Variants in PDLIM3 observed in about 807,000 individuals in gnomAD.
PDLIM3 encodes PDZ and LIM domain protein 3.
Under a neutral mutation model 37.3 loss-of-function variants are expected in PDLIM3, and 36 were observed. That is an observed-to-expected ratio of 0.97 (90% CI 0.74 to 1.28). PDLIM3 has a LOEUF of 1.28. PDLIM3 is among the 50% of genes most tolerant of loss of function. PDLIM3 has a pLI of 0.00. For synonymous variants in PDLIM3, 174 were observed against 182.4 expected (o/e 0.95, Z 0.37); for missense variants, 454 against 485.0 (o/e 0.94, Z 0.60).
At position 185,514,234 on chromosome 4, in the gene PDLIM3, A is replaced by G. The variant is rs1215493978; in HGVS notation, c.398+36T>C. 6.2e-7 allele frequency: 1 copy of G among 1,614,122 alleles called. No homozygotes were observed. The highest frequency in any genetic ancestry group is 1.3e-5 in the African/African-American group (1 of 74,954). On this transcript the variant is annotated intron_variant, in intron 4 of 7. Coordinates refer to ENST00000284767, the MANE Select transcript of PDLIM3 (RefSeq NM_014476.6). The surrounding 1 kb of genome is among the most constrained non-coding windows in gnomAD (Gnocchi z 4.0). ...ATTAGTAAGAACTGATTTAAGAAGC[A>G]TGCACTGCAAACTCCACAGTCTCAG... is the stretch of plus-strand genomic sequence containing the variant.
chr4:185,508,353 A>T lies in PDLIM3; in HGVS notation c.608T>A (p.Met203Lys). The change falls in exon 5 of 8, where the codon ATG (methionine) becomes AAG (lysine). Residue 203 changes from methionine (M) to lysine (K), a missense_variant. Physicochemically the swap from Met to Lys is moderately conservative, Grantham distance 95 (BLOSUM62 -1). Coordinates refer to ENST00000284767, the MANE Select transcript of PDLIM3 (RefSeq NM_014476.6). ...TGAAACCTGACCCTGGAGTGTTTCCATAATATTGTCATCTGAGTACAACTG... is the reference window on the plus strand; with the variant it reads ...TGAAACCTGACCCTGGAGTGTTTCCTTAATATTGTCATCTGAGTACAACTG... ...PMQLYSDDNIMETLQGQVSTA... is the reference protein window; with the variant it reads ...PMQLYSDDNIKETLQGQVSTA... 1 of 1,614,154 alleles carries T rather than the reference A, an allele frequency of 6.2e-7. No individual in the cohort carries two copies. Among genetic ancestry groups the T allele is most frequent in the Non-Finnish European group, 8.5e-7 (1 of 1,180,002 alleles).
Position 185,502,270 on chromosome 4 carries a change from C to G in PDLIM3, c.*24G>C, listed in dbSNP as rs758218049. The G allele has an allele frequency of 6.2e-7, 1 of 1,611,852 alleles. No homozygotes were observed. Among genetic ancestry groups the G allele is most frequent in the African/African-American group, 1.3e-5 (1 of 74,656 alleles). ...GTAAGTGCGCGTGGGTGGGTGCGTG[C>G]GTGCGTGCCACGCCTGCAGAGACTT... On this transcript the variant is annotated 3_prime_UTR_variant, in exon 8 of 8. Transcript: ENST00000284767.
In PDLIM3 at chr4:185,522,044, A is replaced by AC. The variant is rs199565778; in HGVS notation, c.330+1317_330+1318insG. 9.3e-3 allele frequency among the ~76,000 whole-genome samples: 623 copies of AC among 66,844 alleles called. 125 individuals carry two copies. The highest frequency in any genetic ancestry group is 0.016 in the African/African-American group (583 of 36,756). 43.9% of individuals were successfully genotyped at this position (66,844 alleles called of 152,430 possible). ...CAAAACTCTACGACAACAATCTAAT[A>AC]AACTCATTTCCTCTAAAGATTACAT... is the stretch of plus-strand genomic sequence containing the variant. On this transcript the variant is annotated intron_variant, in intron 3 of 7. Transcript: ENST00000284767.
At position 185,504,941 on chromosome 4, in the gene PDLIM3, C is replaced by T. The variant is rs1360815684; in HGVS notation, c.794-355G>A. 6.6e-6 allele frequency among the ~76,000 whole-genome samples: 1 copy of T among 152,200 alleles called. No individual in the cohort carries two copies. Among genetic ancestry groups the T allele is most frequent in the Non-Finnish European group, 1.5e-5 (1 of 68,026 alleles). On this transcript the variant is annotated intron_variant, in intron 6 of 7. Transcript: ENST00000284767. The surrounding 1 kb of genome is among the most constrained non-coding windows in gnomAD (Gnocchi z 4.7). ...GTACATCCAAAATGTTGTGCAAGCA[C>T]TGCCAATATCCACCTCCAGAACTAT...
intron 5 of PDLIM3, among the ~76,000 whole-genome samples, chr4:185,507,900 C>A (rs1389268708): frequency 1.3e-5 from 2 of 151,896 alleles, no homozygotes; most frequent in Non-Finnish European, 2.9e-5. Context: ...AATTTTTGAT[C>A]CCCAAAGGAC....
Position 185,502,272 on chromosome 4 carries a change from T to G in PDLIM3, c.*22A>C. On this transcript the variant is annotated 3_prime_UTR_variant, in exon 8 of 8. Coordinates refer to ENST00000284767, the MANE Select transcript of PDLIM3 (RefSeq NM_014476.6). Reference sequence around the variant, plus strand: ...AAGTGCGCGTGGGTGGGTGCGTGCGTGCGTGCCACGCCTGCAGAGACTTAA... The same window carrying G: ...AAGTGCGCGTGGGTGGGTGCGTGCGGGCGTGCCACGCCTGCAGAGACTTAA... 6.2e-7 allele frequency: 1 copy of G among 1,612,500 alleles called. No homozygotes were observed. Among genetic ancestry groups the G allele is most frequent in the Non-Finnish European group, 8.5e-7 (1 of 1,178,694 alleles).
In PDLIM3 at chr4:185,514,011, T is replaced by C; in HGVS notation, c.398+259A>G. The C allele has an allele frequency of 7.4e-7, 1 of 1,343,424 alleles. No individual in the cohort carries two copies. Among genetic ancestry groups the C allele is most frequent in the Non-Finnish European group, 9.6e-7 (1 of 1,041,928 alleles). 83.2% of individuals were successfully genotyped at this position (1,343,424 alleles called of 1,614,324 possible). A position where few individuals can be genotyped will look rare whatever the true frequency, so the allele number is the denominator to read the frequency against. On this transcript the variant is annotated intron_variant, in intron 4 of 7. Coordinates refer to ENST00000284767, the MANE Select transcript of PDLIM3 (RefSeq NM_014476.6). The surrounding 1 kb of genome is among the most constrained non-coding windows in gnomAD (Gnocchi z 4.0). ...TGTTCTGGATGGGATCCCCAGAGCCTCAGGGGTGTTCGCTATAAATACACG... is the reference window on the plus strand; with the variant it reads ...TGTTCTGGATGGGATCCCCAGAGCCCCAGGGGTGTTCGCTATAAATACACG...
At chr4:185,513,987 G>GGGACCACACA in intron 4 of PDLIM3, 22 of 1,294,100 alleles carry the variant, frequency 1.7e-5, no homozygotes, top group Non-Finnish European at 2.2e-5. Flanking sequence ...AGGTCACAGT[G>GGGACCACACA]TTCTGGATGG....
Position 185,524,934 on chromosome 4 carries a change from T to C in PDLIM3, c.245+86A>G. On this transcript the variant is annotated intron_variant, in intron 2 of 7. Transcript: ENST00000284767. The stretch of plus-strand genomic sequence containing the variant: ...AAAATACTAGGTCTGTGGCCCTCCT[T>C]GCTGGGAGGATGAAGTTATTTATAG... The C allele has an allele frequency of 2.9e-6, 4 of 1,361,946 alleles. No homozygotes were observed. In the South Asian group the frequency reaches 4.7e-5, roughly 16 times the overall value. 84.4% of individuals were successfully genotyped at this position (1,361,946 alleles called of 1,614,324 possible).
At chr4:185,511,534 T>C (rs938472083) in intron 4 of PDLIM3, among the ~76,000 whole-genome samples, 3 of 152,084 alleles carry the variant, frequency 2.0e-5, no homozygotes, top group Non-Finnish European at 2.9e-5. Context: ...CTAATTTTTC[T>C]ATTTTTAGTA....
chr4:185,519,181 C>T (rs748184147), intron 3 of PDLIM3, among the ~76,000 whole-genome samples: 1 of 152,180 alleles, frequency 6.6e-6, no homozygotes, highest in Non-Finnish European at 1.5e-5. Flanking sequence ...TATTCAGGTG[C>T]TGGGAGTTGA....
Position 185,508,406 on chromosome 4 carries a change from A to C in PDLIM3, c.555T>G (p.Ile185Met), listed in dbSNP as rs761837498. Residue 185 changes from isoleucine to methionine, a missense_variant, in exon 5 of 8, where the codon ATT becomes ATG. Ile to Met is a conservative substitution (Grantham distance 10). Coordinates refer to ENST00000284767, the MANE Select transcript of PDLIM3 (RefSeq NM_014476.6). ...TAGGTGTATTAAACTGAGCATGTACAATCTTCACACCAGGAAGTTCCATTT... is the reference window on the plus strand; with the variant it reads ...TAGGTGTATTAAACTGAGCATGTACCATCTTCACACCAGGAAGTTCCATTT... ...PLEMELPGVK[I>M]VHAQFNTPMQ... 4.3e-6 allele frequency: 7 copies of C among 1,614,206 alleles called. No individual in the cohort carries two copies. The highest frequency in any genetic ancestry group is 5.9e-6 in the Non-Finnish European group (7 of 1,180,024).
At chr4:185,531,879 A>G (rs1229206047) in intron 1 of PDLIM3, among the ~76,000 whole-genome samples, 5 of 149,438 alleles carry the variant, frequency 3.3e-5, no homozygotes, top group African/African-American at 1.2e-4. Flanking sequence ...GCCTGAGGTC[A>G]GGAGTTTGAG....
chr4:185,513,774 T>C, intron 4 of PDLIM3: 1 of 1,031,342 alleles, frequency 9.7e-7, no homozygotes, highest in Non-Finnish European at 1.2e-6. Context: ...TAGGTTGGAG[T>C]TCAATTTCTA....
At chr4:185,517,611 A>C (rs2095716905) in intron 3 of PDLIM3, 3 of 151,888 alleles carry the variant, frequency 2.0e-5, no homozygotes. Context: ...AATCAGCTCC[A>C]AGCAATTTCT....
chr4:185,527,806 T>C (rs891632894), intron 1 of PDLIM3, among the ~76,000 whole-genome samples: 3 of 152,100 alleles, frequency 2.0e-5, no homozygotes, highest in Admixed American at 2.0e-4. Flanking sequence ...TCCCAGTGCT[T>C]TGGGAGGCTG....
intron 1 of PDLIM3, among the ~76,000 whole-genome samples, chr4:185,526,471 ATACT>A (rs1190031652): frequency 1.3e-5 from 2 of 152,264 alleles, no homozygotes; most frequent in African/African-American, 2.4e-5. Context: ...AATAAAAGAA[ATACT>A]TAAGAATACA....
chr4:185,528,342 T>C (rs2095737815), intron 1 of PDLIM3, among the ~76,000 whole-genome samples: 1 of 152,232 alleles, frequency 6.6e-6, no homozygotes, highest in Non-Finnish European at 1.5e-5. Flanking sequence ...TATCTATTGA[T>C]ATCTAGAGCC....
intron 2 of PDLIM3, 121 bp from the exon 3 acceptor site, chr4:185,523,567 A>AGT (rs2095726564): frequency 4.0e-6 from 2 of 503,384 alleles, no homozygotes; most frequent in Admixed American, 4.8e-5. Flanking sequence ...ATGCAAAAAC[A>AGT]ATTTTTTTTT....
Sources: gnomAD v4.1 joint callset for allele counts (sites outside exome capture counted in the v4.1 genomes callset) on GRCh38, gnomAD v4.1.1 for gene constraint, Gnocchi (gnomAD v3.1) non-coding constraint, MANE v1.5 for transcripts, NCBI Gene and HGNC (gene_info 2026-07-23, HGNC 2026-07-21) for gene names.